STX8: variants seen among roughly 807,000 people sequenced by gnomAD.
STX8 encodes the protein syntaxin-8.
STX8 carries 23 observed loss-of-function variants against 37.5 expected under a neutral mutation model. That is an observed-to-expected ratio of 0.61 (90% CI 0.44 to 0.87). STX8 has a LOEUF of 0.87. Among genes scored for constraint, STX8 ranks in the 40% least tolerant of loss-of-function variants. The pLI is 0.00. For synonymous variants in STX8, 115 were observed against 99.1 expected, an observed-to-expected ratio of 1.16 and a Z score of -0.95; for missense variants, 313 against 284.7, an observed-to-expected ratio of 1.10 and a Z score of -0.71.
intron 6 of STX8, among the ~76,000 whole-genome samples, chr17:9,460,095 C>T (rs1450421786): frequency 2.0e-5 from 3 of 152,158 alleles, no homozygotes; most frequent in African/African-American, 7.2e-5. Context: ...AGAAACTATC[C>T]TGTGATACCA....
intron 7 of STX8, among the ~76,000 whole-genome samples, chr17:9,269,056 G>C (rs992570908): frequency 2.0e-5 from 3 of 147,028 alleles, no homozygotes; most frequent in African/African-American, 7.3e-5. Flanking sequence ...GCATGGTGGC[G>C]GGCGCCTGTA....
intron 7 of STX8, among the ~76,000 whole-genome samples, chr17:9,271,794 G>A (rs1907476920): frequency 6.6e-6 from 1 of 151,610 alleles, no homozygotes; most frequent in Non-Finnish European, 1.5e-5. Context: ...AACTTCAAGG[G>A]TCCTACCTAG....
chr17:9,262,774 G>A (rs1168883414), intron 7 of STX8, among the ~76,000 whole-genome samples: 3 of 151,922 alleles, frequency 2.0e-5, no homozygotes, highest in Non-Finnish European at 4.4e-5. Context: ...TAGACACAGG[G>A]TTTCACCATG....
chr17:9,570,214 T>A (rs756318726), intron 1 of STX8, among the ~76,000 whole-genome samples: 2 of 152,096 alleles, frequency 1.3e-5, no homozygotes, highest in Non-Finnish European at 2.9e-5. Context: ...TGTTTTTTTT[T>A]AAATGAAGGA....
intron 6 of STX8, among the ~76,000 whole-genome samples, chr17:9,395,636 T>C (rs1597645304): frequency 1.3e-5 from 2 of 152,322 alleles, no homozygotes; most frequent in South Asian, 4.1e-4. Context: ...GTATAGGTCC[T>C]TTGGGTTTGT....
At chr17:9,551,688 T>C (rs750166221) in intron 3 of STX8, among the ~76,000 whole-genome samples, 44 of 152,274 alleles carry the variant, frequency 2.9e-4, no homozygotes, top group Middle Eastern at 3.4e-3. Context: ...ACTTGTACAA[T>C]AACCTGGCAA....
At chr17:9,503,246 A>C (rs1288953137) in intron 5 of STX8, among the ~76,000 whole-genome samples, 1 of 152,160 alleles carries the variant, frequency 6.6e-6, no homozygotes, top group Non-Finnish European at 1.5e-5. Flanking sequence ...TATTTATATA[A>C]AATTATAGAA....
chr17:9,366,927 C>T (rs1007370174), intron 7 of STX8, among the ~76,000 whole-genome samples: 2 of 152,176 alleles, frequency 1.3e-5, no homozygotes, highest in African/African-American at 4.8e-5. Context: ...AGAGCTATTT[C>T]TGCCAGAGAG....
intron 7 of STX8, among the ~76,000 whole-genome samples, chr17:9,324,376 G>A (rs930323886): frequency 3.9e-5 from 6 of 152,092 alleles, no homozygotes; most frequent in Non-Finnish European, 7.3e-5. Flanking sequence ...GATACCTAGA[G>A]AACATGGCGC....
intron 7 of STX8, among the ~76,000 whole-genome samples, chr17:9,370,555 G>C (rs146744410): frequency 6.6e-6 from 1 of 152,142 alleles, no homozygotes; most frequent in Admixed American, 6.5e-5. Context: ...TCCAATGGTC[G>C]TCGATTGAGA....
At chr17:9,560,104 T>C (rs1907165643) in intron 2 of STX8, among the ~76,000 whole-genome samples, 1 of 150,792 alleles carries the variant, frequency 6.6e-6, no homozygotes, top group African/African-American at 2.4e-5. Flanking sequence ...TGAAAGACTA[T>C]TAAAAACAGT....
At chr17:9,344,475 G>A (rs1354416192) in intron 7 of STX8, among the ~76,000 whole-genome samples, 1 of 152,022 alleles carries the variant, frequency 6.6e-6, no homozygotes, top group Non-Finnish European at 1.5e-5. Context: ...TGGTCAGGCT[G>A]GTCTCAAACT....
chr17:9,351,993 T>C (rs549020134), intron 7 of STX8, among the ~76,000 whole-genome samples: 58 of 151,478 alleles, frequency 3.8e-4, no homozygotes, highest in Non-Finnish European at 6.9e-4. Flanking sequence ...CTACAAAAAA[T>C]ACAAAAAATT....
rs368309558 is a variant in STX8 at position 9,378,588 on chromosome 17, G to A, written c.607C>T (p.Arg203Trp). 30 of 1,613,580 alleles carry A rather than the reference G, an allele frequency of 1.9e-5. No individual in the cohort carries two copies. The highest frequency in any genetic ancestry group is 6.7e-5 in the Admixed American group (4 of 59,964). ...TDEKLRNETR[R>W]VNMVDRKSAS... ...GACTTTCTGTCCACCATGTTTACCC[G>A]CCTGGTTTCATTGCGAAGTTTTTCA... Residue 203 changes from arginine to tryptophan, a missense_variant, in exon 7 of 8, where the codon CGG becomes TGG. Arg to Trp is a moderately radical substitution (Grantham distance 101, BLOSUM62 -3). Transcript: ENST00000306357.
Position 9,315,293 on chromosome 17 carries a change from C to A in STX8, c.643+63259G>T, listed in dbSNP as rs796393895. On this transcript the variant is annotated intron_variant, in intron 7 of 7. Coordinates refer to ENST00000306357, the MANE Select transcript of STX8 (RefSeq NM_004853.3). ...CTAAGAGTTAAAAAAACAAAAACAA[C>A]AAAAAAAAAAAACAAGCAGCCCTTT... Among the ~76,000 whole-genome samples the A allele has an allele frequency of 1.5e-3, 189 of 128,832 alleles. 3 individuals carry two copies. Among genetic ancestry groups the A allele is most frequent in the African/African-American group, 6.1e-3 (160 of 26,058 alleles). 84.5% of individuals were successfully genotyped at this position (128,832 alleles called of 152,430 possible). A position where few individuals can be genotyped will look rare whatever the true frequency, so the allele number is the denominator to read the frequency against.
intron 7 of STX8, among the ~76,000 whole-genome samples, chr17:9,272,608 G>A (rs944511223): frequency 2.6e-5 from 4 of 152,236 alleles, no homozygotes; most frequent in Non-Finnish European, 5.9e-5. Context: ...TAGCGCGCCA[G>A]CGAGCTAGTT....
At chr17:9,522,196 G>T (rs1338853408) in intron 4 of STX8, among the ~76,000 whole-genome samples, 5 of 152,084 alleles carry the variant, frequency 3.3e-5, no homozygotes, top group African/African-American at 7.2e-5. Context: ...GCAAAAAGGG[G>T]TGATACACAA....
intron 6 of STX8, among the ~76,000 whole-genome samples, chr17:9,409,635 A>T (rs1298331816): frequency 6.6e-6 from 1 of 152,190 alleles, no homozygotes; most frequent in Admixed American, 6.6e-5. Context: ...AAAACAGCAC[A>T]CTTTAATGTC....
chr17:9,393,607 A>G (rs1353762103), intron 6 of STX8, among the ~76,000 whole-genome samples: 1 of 152,232 alleles, frequency 6.6e-6, no homozygotes, highest in Non-Finnish European at 1.5e-5. Flanking sequence ...AAGATTAGAT[A>G]CTGATTCTAA....
Sources: allele counts gnomAD v4.1 joint callset (sites outside exome capture counted in the v4.1 genomes callset), GRCh38; gene constraint gnomAD v4.1.1; transcripts MANE v1.5; gene names NCBI Gene and HGNC (gene_info 2026-07-23, HGNC 2026-07-21).